Variants in C11orf16 observed in about 807,000 individuals in gnomAD.
The protein encoded by C11orf16 is uncharacterized protein C11orf16.
Under a neutral mutation model 45.1 loss-of-function variants are expected in C11orf16, and 38 were observed. The observed-to-expected ratio is 0.84, with a 90% CI of 0.65 to 1.10. The LOEUF (loss-of-function observed/expected upper bound fraction) is 1.10, where lower values mean the gene tolerates loss of function less well. Ranked by LOEUF, C11orf16 falls within the 50% of genes least tolerant of loss-of-function variation. The pLI is 0.00. For missense variants in C11orf16, 583 were observed against 569.5 expected, an observed-to-expected ratio of 1.02 and a Z score of -0.24; for synonymous variants, 221 against 222.0, an observed-to-expected ratio of 1.00 and a Z score of 0.04.
In C11orf16 at chr11:8,932,140, A is replaced by G. The variant is rs768386588; in HGVS notation, c.167+2T>C. The stretch of plus-strand genomic sequence containing the variant: ...TTCCCCCAGAGGGGCAGAGACAGGT[A>G]CCTTGCAAGGGGCTTGTGCCCGGTG... On this transcript the variant is annotated splice_donor_variant, in intron 2 of 6. Coordinates refer to ENST00000326053, the MANE Select transcript of C11orf16 (RefSeq NM_020643.3). LOFTEE classifies it high-confidence loss of function. The G allele has an allele frequency of 3.2e-6, 5 of 1,574,570 alleles. No homozygotes were observed. The Admixed American group carries it at 9.5e-5, about 30-fold the overall frequency.
chr11:8,927,650 G>A (rs989014087), intron 3 of C11orf16: 11 of 456,488 alleles, frequency 2.4e-5, no homozygotes, highest in East Asian at 1.4e-4. Flanking sequence ...GGCAAGGAGC[G>A]ATTGTGGCCA....
intron 4 of C11orf16, 78 bp from the exon 5 acceptor site, chr11:8,926,185 CTTTTTTTTTTTT>C (rs59858402): frequency 1.3e-6 from 1 of 751,278 alleles, no homozygotes; most frequent in Admixed American, 4.5e-5. Context: ...TTTTTCTTTT[CTTTTTTTTTTTT>C]TTTTTTTGAG....
intron 3 of C11orf16, chr11:8,927,617 T>G (rs928462413): frequency 1.5e-5 from 7 of 456,854 alleles, no homozygotes; most frequent in Admixed American, 1.2e-4. Flanking sequence ...ACAGGATGGT[T>G]GTTCACCTAT....
chr11:8,931,390 A>G (rs1395605611), intron 2 of C11orf16, among the ~76,000 whole-genome samples: 2 of 151,540 alleles, frequency 1.3e-5, no homozygotes, highest in Non-Finnish European at 2.9e-5. Flanking sequence ...CGCCCAGCTA[A>G]TTATTGTTTT....
At chr11:8,926,901 T>C in intron 4 of C11orf16, 39 bp downstream of exon 4, 5 of 1,545,736 alleles carry the variant, frequency 3.2e-6, no homozygotes, top group Non-Finnish European at 4.5e-6. Flanking sequence ...ACAGCCTGGC[T>C]CCTTCTGGGC....
chr11:8,922,022 T>A (rs532874365), intron 5 of C11orf16, among the ~76,000 whole-genome samples: 6 of 152,358 alleles, frequency 3.9e-5, no homozygotes, highest in African/African-American at 1.4e-4. Context: ...TTCTGGACCT[T>A]ATGCTTTTGG....
At position 8,921,245 on chromosome 11, in the gene C11orf16, C is replaced by G. The variant is rs1450366273; in HGVS notation, c.*22+49G>C. 11 of 1,478,930 alleles carry G rather than the reference C, an allele frequency of 7.4e-6. No homozygotes were observed. In the East Asian group the frequency reaches 2.0e-4, roughly 27 times the overall value. 91.6% of individuals were successfully genotyped at this position (1,478,930 alleles called of 1,614,324 possible). A position where few individuals can be genotyped will look rare whatever the true frequency, so the allele number is the denominator to read the frequency against. On this transcript the variant is annotated intron_variant, in intron 6 of 6. Coordinates refer to ENST00000326053, the MANE Select transcript of C11orf16 (RefSeq NM_020643.3). ...GGGATGTGACCCAAAAGGTCTAAGA[C>G]CCATGTGAGGAGTCCTTAGGAAGCC... is the stretch of plus-strand genomic sequence containing the variant.
intron 2 of C11orf16, among the ~76,000 whole-genome samples, chr11:8,930,655 G>T (rs2064644108): frequency 6.6e-6 from 1 of 152,120 alleles, no homozygotes; most frequent in African/African-American, 2.4e-5. Flanking sequence ...AGAAAATGTT[G>T]TGGTCAGGGC....
chr11:8,927,154 C>G lies in C11orf16; in HGVS notation c.345G>C (p.Leu115=), dbSNP rs1006457049. Residue 115 remains leucine (L), a synonymous_variant, in exon 4 of 7, where the codon CTG becomes CTC. Coordinates refer to ENST00000326053, the MANE Select transcript of C11orf16 (RefSeq NM_020643.3). ...ATPELERQGV[L]LVEFEAPLVA... ...CAAGAGGAGCCTCGAATTCCACAAG[C>G]AGGACCCCCTGTCTCTCCAGCTGTG... 8 of 1,613,926 alleles carry G rather than the reference C, an allele frequency of 5.0e-6. No individual in the cohort carries two copies. Among genetic ancestry groups the G allele is most frequent in the South Asian group, 2.2e-5 (2 of 91,076 alleles).
intron 5 of C11orf16, among the ~76,000 whole-genome samples, chr11:8,922,249 T>C (rs2134830480): frequency 6.6e-6 from 1 of 152,294 alleles, no homozygotes; most frequent in South Asian, 2.1e-4. Flanking sequence ...GGTGCACACC[T>C]GTAGTCCCGA....
intron 5 of C11orf16, 50 bp from the exon 6 acceptor site, chr11:8,921,565 G>T: frequency 1.3e-6 from 2 of 1,504,808 alleles, no homozygotes; most frequent in Non-Finnish European, 1.8e-6. Context: ...CATTTTGATG[G>T]CATAAGTAGA....
chr11:8,921,659 T>C (rs1266047320), intron 5 of C11orf16, 144 bp from the exon 6 acceptor site: 1 of 825,268 alleles, frequency 1.2e-6, no homozygotes, highest in Non-Finnish European at 1.9e-6. Context: ...AGGGTCTTGC[T>C]ATTATCACCC....
chr11:8,929,272 T>TTA, intron 3 of C11orf16, 105 bp downstream of exon 3: 1 of 1,216,068 alleles, frequency 8.2e-7, no homozygotes, highest in African/African-American at 1.5e-5. Flanking sequence ...AGAGCTGTGC[T>TTA]TATGCAAGAA....
chr11:8,926,094 T>C lies in C11orf16; in HGVS notation c.573A>G (p.Lys191=). 1 of 1,597,084 alleles carries C rather than the reference T, an allele frequency of 6.3e-7. No individual in the cohort carries two copies. Among genetic ancestry groups the C allele is most frequent in the East Asian group, 2.2e-5 (1 of 44,494 alleles). Residue 191 remains lysine (K), a synonymous_variant, in exon 5 of 7, where the codon AAA becomes AAG. Transcript: ENST00000326053. The part of the protein sequence containing the change: ...MRDPQRASKE[K]EITVHFWNGK... ...CATTCCAGAAATGAACAGTGATTTC[T>C]TTTTCCTTTGATGCTACATAACAAA...
Position 8,926,116 on chromosome 11 carries a change from CA to C in C11orf16, c.560-10del, listed in dbSNP as rs2134834438. On this transcript the variant is annotated splice_polypyrimidine_tract_variant and intron_variant, in intron 4 of 6. Coordinates refer to ENST00000326053, the MANE Select transcript of C11orf16 (RefSeq NM_020643.3). The stretch of plus-strand genomic sequence containing the variant: ...TTCTTTTTCCTTTGATGCTACATAA[CA>C]AAAAATGGCAACATTTTGTTATAAT... The C allele has an allele frequency of 6.5e-7, 1 of 1,541,860 alleles. No individual in the cohort carries two copies. The highest frequency in any genetic ancestry group is 8.7e-7 in the Non-Finnish European group (1 of 1,144,198).
chr11:8,925,361 C>CA (rs2064601997), intron 5 of C11orf16, 102 bp downstream of exon 5: 4 of 1,068,692 alleles, frequency 3.7e-6, no homozygotes, highest in Non-Finnish European at 5.4e-6. Context: ...GCAGTCCCAA[C>CA]AGAGTGGACA....
chr11:8,930,762 C>T (rs1192291736), intron 2 of C11orf16, among the ~76,000 whole-genome samples: 1 of 152,194 alleles, frequency 6.6e-6, no homozygotes, highest in Admixed American at 6.5e-5. Flanking sequence ...GCCTGTCTGC[C>T]TCCTGCTGCC....
chr11:8,932,352 G>C, intron 1 of C11orf16, 26 bp from the exon 2 acceptor site: 4 of 1,524,436 alleles, frequency 2.6e-6, no homozygotes, highest in Non-Finnish European at 3.5e-6. Context: ...ACCATTACCT[G>C]AGCTGCAGCT....
At chr11:8,930,344 T>C (rs980735445) in intron 2 of C11orf16, among the ~76,000 whole-genome samples, 9 of 147,454 alleles carry the variant, frequency 6.1e-5, no homozygotes, top group Non-Finnish European at 8.9e-5. Flanking sequence ...AAGAATCGCT[T>C]GAACCCAGGA....
Sources: gnomAD v4.1 joint callset for allele counts (sites outside exome capture counted in the v4.1 genomes callset) on GRCh38, gnomAD v4.1.1 for gene constraint, MANE v1.5 for transcripts, NCBI Gene and HGNC (gene_info 2026-07-23, HGNC 2026-07-21) for gene names.